Variants in NOVA1 observed in about 807,000 individuals in gnomAD.
NOVA1 encodes the protein RNA-binding protein Nova-1.
NOVA1 carries 7 observed loss-of-function variants against 38.0 expected under a neutral mutation model. The observed-to-expected ratio is 0.18, with a 90% CI of 0.10 to 0.35. The LOEUF is 0.35. Ranked by LOEUF, NOVA1 falls within the 10% of genes least tolerant of loss-of-function variation. The pLI, the probability that NOVA1 is intolerant of heterozygous loss-of-function variation, is 1.00. For missense variants in NOVA1, 460 were observed against 616.0 expected, an observed-to-expected ratio of 0.75 and a Z score of 2.68; for synonymous variants, 270 against 232.5, an observed-to-expected ratio of 1.16 and a Z score of -1.47.
chr14:26,474,082 T>C (rs1884793791), intron 3 of NOVA1, among the ~76,000 whole-genome samples: 1 of 152,028 alleles, frequency 6.6e-6, no homozygotes, highest in African/African-American at 2.4e-5. Context: ...TGGTTACAAC[T>C]GTTACTACAG....
At chr14:26,462,358 G>GA (rs1312917196) in intron 4 of NOVA1, among the ~76,000 whole-genome samples, 1 of 150,680 alleles carries the variant, frequency 6.6e-6, no homozygotes, top group African/African-American at 2.4e-5. Context: ...ATTAACACTT[G>GA]AAAAAAAAGA....
intron 2 of NOVA1, among the ~76,000 whole-genome samples, chr14:26,480,726 G>A (rs1885394958): frequency 6.6e-6 from 1 of 150,466 alleles, no homozygotes; most frequent in Admixed American, 6.6e-5. Context: ...AATTTGTTTT[G>A]TTTTGTGCTG....
chr14:26,524,954 AT>A (rs1889193098), intron 2 of NOVA1, among the ~76,000 whole-genome samples: 1 of 152,200 alleles, frequency 6.6e-6, no homozygotes, highest in Non-Finnish European at 1.5e-5. Flanking sequence ...CCAAAATGTA[AT>A]TAACTGCAAC....
intron 2 of NOVA1, among the ~76,000 whole-genome samples, chr14:26,582,969 T>C (rs138099508): frequency 1.7e-3 from 253 of 151,918 alleles, no homozygotes; most frequent in African/African-American, 5.9e-3. Flanking sequence ...AGTTTGGGTG[T>C]TCGTATGCAG....
In NOVA1 at chr14:26,466,403, A is replaced by T. The variant is rs1389080202; in HGVS notation, c.519+5917T>A. 3.3e-5 allele frequency among the ~76,000 whole-genome samples: 5 copies of T among 152,188 alleles called. No individual in the cohort carries two copies. The East Asian group carries it at 9.6e-4, about 29-fold the overall frequency. ...TTGGACTTACTGTATTTAAGATGTC[A>T]ATTAGGTATGTAAGTGGAAAGCCTG... On this transcript the variant is annotated intron_variant, in intron 4 of 4. Coordinates refer to ENST00000539517, the MANE Select transcript of NOVA1 (RefSeq NM_002515.3).
At position 26,446,006 on chromosome 14, in the gene NOVA1, C is replaced by A. The variant is rs952548682; in HGVS notation, c.*1953G>T. On this transcript the variant is annotated 3_prime_UTR_variant, in exon 5 of 5. Coordinates refer to ENST00000539517, the MANE Select transcript of NOVA1 (RefSeq NM_002515.3). ...CAAAACTTACACAGCTACAGAGTAT[C>A]GACGATAAATAGTCATTACCAATTA... The A allele has an allele frequency of 6.6e-6, 1 of 152,518 alleles. No homozygotes were observed. Among genetic ancestry groups the A allele is most frequent in the African/African-American group, 2.4e-5 (1 of 41,396 alleles). 9.4% of individuals were successfully genotyped at this position (152,518 alleles called of 1,614,324 possible). A position where few individuals can be genotyped will look rare whatever the true frequency, so the allele number is the denominator to read the frequency against.
chr14:26,593,764 C>T (rs1024216657), intron 2 of NOVA1: 11 of 151,914 alleles, frequency 7.2e-5, no homozygotes, highest in African/African-American at 2.7e-4. Context: ...TGCACCCTTT[C>T]CAACCCACTG....
intron 2 of NOVA1, among the ~76,000 whole-genome samples, chr14:26,530,370 C>T (rs1199153918): frequency 6.6e-6 from 1 of 151,902 alleles, no homozygotes; most frequent in Non-Finnish European, 1.5e-5. Context: ...AAGTATCAAC[C>T]CGGAAAGATT....
intron 2 of NOVA1, among the ~76,000 whole-genome samples, chr14:26,578,787 C>T (rs1016759111): frequency 6.6e-6 from 1 of 152,046 alleles, no homozygotes; most frequent in African/African-American, 2.4e-5. Flanking sequence ...ACACTCAAAA[C>T]CACACCCTAA....
intron 3 of NOVA1, chr14:26,479,197 T>G (rs1885230534): frequency 6.6e-6 from 1 of 151,964 alleles, no homozygotes; most frequent in Admixed American, 6.6e-5. Context: ...AGACGCTAAT[T>G]ATAAAAAGGC....
chr14:26,508,330 GA>G (rs1378906924), intron 2 of NOVA1, among the ~76,000 whole-genome samples: 4 of 151,914 alleles, frequency 2.6e-5, no homozygotes, highest in Non-Finnish European at 5.9e-5. Context: ...GGTATTTCTT[GA>G]AAAGTGAAAG....
chr14:26,535,974 G>A (rs554138118), intron 2 of NOVA1, among the ~76,000 whole-genome samples: 19 of 136,970 alleles, frequency 1.4e-4, no homozygotes, highest in Admixed American at 2.4e-4. Context: ...GCGAGACTCC[G>A]TCTCAAAAAA....
chr14:26,576,259 T>G (rs578176963), intron 2 of NOVA1, among the ~76,000 whole-genome samples: 1 of 151,948 alleles, frequency 6.6e-6, no homozygotes, highest in East Asian at 1.9e-4. Context: ...GAACAGGTAT[T>G]ATTCAGAACT....
At chr14:26,563,532 C>A (rs986948516) in intron 2 of NOVA1, among the ~76,000 whole-genome samples, 1 of 150,888 alleles carries the variant, frequency 6.6e-6, no homozygotes, top group Non-Finnish European at 1.5e-5. Flanking sequence ...TCAACATAGC[C>A]CTATGATCAG....
chr14:26,548,094 A>C (rs1316444868), intron 2 of NOVA1, among the ~76,000 whole-genome samples: 1 of 151,952 alleles, frequency 6.6e-6, no homozygotes, highest in East Asian at 1.9e-4. Flanking sequence ...TAGATAGATA[A>C]TTAAAAATCT....
chr14:26,548,568 A>C (rs1890964151), intron 2 of NOVA1, among the ~76,000 whole-genome samples: 2 of 152,140 alleles, frequency 1.3e-5, no homozygotes, highest in African/African-American at 4.8e-5. Context: ...CCCTAAAATA[A>C]CAAAATATAA....
chr14:26,493,314 C>T (rs905182826), intron 2 of NOVA1, among the ~76,000 whole-genome samples: 2 of 152,156 alleles, frequency 1.3e-5, no homozygotes, highest in African/African-American at 4.8e-5. Flanking sequence ...CAAAATCTGA[C>T]TTAGCCATTA....
intron 2 of NOVA1, among the ~76,000 whole-genome samples, chr14:26,492,755 TC>T (rs1279354637): frequency 1.3e-4 from 20 of 151,822 alleles, no homozygotes; most frequent in Middle Eastern, 3.2e-3. Flanking sequence ...TCACTTGAAG[TC>T]AGGAGTTCAA....
At chr14:26,529,739 T>TA (rs1397246218) in intron 2 of NOVA1, among the ~76,000 whole-genome samples, 1 of 152,162 alleles carries the variant, frequency 6.6e-6, no homozygotes, top group African/African-American at 2.4e-5. Context: ...AGTGGCACAC[T>TA]ATAAAAGTAT....
Sources: allele counts gnomAD v4.1 joint callset (sites outside exome capture counted in the v4.1 genomes callset), GRCh38; gene constraint gnomAD v4.1.1; transcripts MANE v1.5; gene names NCBI Gene and HGNC (gene_info 2026-07-23, HGNC 2026-07-21).